The following ITIH3 variants were observed in gnomAD, a reference collection of about 807,000 sequenced individuals.
ITIH3 encodes the protein inter-alpha-trypsin inhibitor heavy chain 3.
ITIH3 carries 81 observed loss-of-function variants against 96.5 expected under a neutral mutation model. The ratio of observed to expected loss-of-function variants is 0.84; its 90% CI spans 0.70 to 1.01. ITIH3 has a LOEUF of 1.01. Among genes scored for constraint, ITIH3 ranks in the 50% least tolerant of loss-of-function variants. ITIH3 has a pLI of 0.00. For missense variants in ITIH3, 1,057 were observed against 1,139.3 expected, an observed-to-expected ratio of 0.93 and a Z score of 1.04; for synonymous variants, 422 against 445.2, an observed-to-expected ratio of 0.95 and a Z score of 0.66.
chr3:52,806,625 G>C (rs935266362), intron 18 of ITIH3, among the ~76,000 whole-genome samples: 9 of 152,202 alleles, frequency 5.9e-5, no homozygotes, highest in African/African-American at 2.2e-4. Context: ...GGACCACCTG[G>C]GCCTAGGGTA....
chr3:52,804,745 A>G lies in ITIH3; in HGVS notation c.1873+11A>G, dbSNP rs1318332879. 1.3e-6 allele frequency: 2 copies of G among 1,588,724 alleles called. No homozygotes were observed. Among genetic ancestry groups the G allele is most frequent in the South Asian group, 2.3e-5 (2 of 86,858 alleles). ...CTGCAGATGCAGAAGGTAAGCCTTT[A>G]GCCAGCCACCGGGTTGGGCATTATG... On this transcript the variant is annotated intron_variant, in intron 15 of 21. Coordinates refer to ENST00000449956, the MANE Select transcript of ITIH3 (RefSeq NM_002217.4).
At position 52,797,232 on chromosome 3, in the gene ITIH3, A is replaced by G. The variant is rs1256219054; in HGVS notation, c.514A>G (p.Lys172Glu). Residue 172 changes from lysine to glutamate, a missense_variant, in exon 5 of 22, where the codon AAG becomes GAG. By Grantham distance (56) the Lys-to-Glu change is moderately conservative. Coordinates refer to ENST00000449956, the MANE Select transcript of ITIH3 (RefSeq NM_002217.4). Reference protein sequence around the residue: ...RHKGKYEMYLKVQPKQLVKHF... With the variant: ...RHKGKYEMYLEVQPKQLVKHF... The stretch of plus-strand genomic sequence containing the variant: ...CAAGGGCAAGTACGAGATGTACCTC[A>G]AGGTCCAGCCTAAGCAACTGGTCAA... The G allele has an allele frequency of 3.1e-6, 5 of 1,607,294 alleles. No individual in the cohort carries two copies. Among genetic ancestry groups the G allele is most frequent in the Non-Finnish European group, 4.2e-6 (5 of 1,177,328 alleles).
chr3:52,803,816 G>A (rs565686211), intron 13 of ITIH3, 39 bp from the exon 14 acceptor site: 1 of 1,610,054 alleles, frequency 6.2e-7, no homozygotes, highest in Non-Finnish European at 8.5e-7. Context: ...GCAGGGTGCT[G>A]CTCTCCAGGC....
intron 15 of ITIH3, chr3:52,805,281 TA>T: frequency 9.9e-7 from 1 of 1,008,990 alleles, no homozygotes; most frequent in Non-Finnish European, 1.2e-6. Context: ...CCCCAGCCCC[TA>T]CTGGCCTGCC....
intron 4 of ITIH3, 55 bp from the exon 5 acceptor site, chr3:52,797,050 G>T: frequency 6.4e-7 from 1 of 1,568,446 alleles, no homozygotes; most frequent in Non-Finnish European, 8.7e-7. Flanking sequence ...CGAGGGCCGA[G>T]GAAGGGTGGG....
chr3:52,806,916 G>C lies in ITIH3; in HGVS notation c.2072G>C (p.Gly691Ala), dbSNP rs758205748. 37 of 1,586,908 alleles carry C rather than the reference G, an allele frequency of 2.3e-5. No individual in the cohort carries two copies. The Admixed American group carries it at 6.1e-4, about 26-fold the overall frequency. Residue 691 changes from glycine to alanine, a missense_variant, in exon 19 of 22, where the codon GGG (glycine) becomes GCG (alanine). Coordinates refer to ENST00000449956, the MANE Select transcript of ITIH3 (RefSeq NM_002217.4). ...QDAVTGLTVNGQITGDKRGSP... is the reference protein window; with the variant it reads ...QDAVTGLTVNAQITGDKRGSP... Reference sequence around the variant, plus strand: ...CCTCTGGCAGGCCTCACAGTTAATGGGCAGATCACTGGCGACAAGAGAGGC... The same window carrying C: ...CCTCTGGCAGGCCTCACAGTTAATGCGCAGATCACTGGCGACAAGAGAGGC...
intron 10 of ITIH3, 31 bp downstream of exon 10, chr3:52,800,694 G>C (rs1451525557): frequency 1.3e-6 from 2 of 1,594,208 alleles, no homozygotes; most frequent in Non-Finnish European, 1.7e-6. Context: ...TTTGAGCTAG[G>C]GCTGGAGTGC....
At chr3:52,800,695 G>A in intron 10 of ITIH3, 32 bp downstream of exon 10, 1 of 1,593,566 alleles carries the variant, frequency 6.3e-7, no homozygotes, top group South Asian at 1.1e-5. Context: ...TTGAGCTAGG[G>A]CTGGAGTGCT....
At chr3:52,801,174 C>A (rs1699818637) in intron 11 of ITIH3, 28 bp downstream of exon 11, 3 of 1,512,778 alleles carry the variant, frequency 2.0e-6, no homozygotes, top group Non-Finnish European at 2.7e-6. Flanking sequence ...CACTTCCGGG[C>A]ATAAGGAGCT....
chr3:52,797,047 C>A, intron 4 of ITIH3, 58 bp from the exon 5 acceptor site: 1 of 1,559,024 alleles, frequency 6.4e-7, no homozygotes, highest in South Asian at 1.2e-5. Context: ...GGCCGAGGGC[C>A]GAGGAAGGGT....
At chr3:52,807,272 C>A (rs533658933) in intron 19 of ITIH3, among the ~76,000 whole-genome samples, 167 bp downstream of exon 19, 1 of 152,272 alleles carries the variant, frequency 6.6e-6, no homozygotes, top group Non-Finnish European at 1.5e-5. Context: ...CCATAGTGGC[C>A]CCCAACCAAA....
In ITIH3 at chr3:52,801,084, C is replaced by T. The variant is rs1233714143; in HGVS notation, c.1321C>T (p.Leu441=). ...TTATAACTTCCTGGAGAACATGGCC[C>T]TGGAGAACCATGGGTTTGCCCGGCG... The part of the protein sequence containing the change: ...LNYNFLENMA[L]ENHGFARRIY... Residue 441 remains leucine, a synonymous_variant, in exon 11 of 22, where the codon CTG becomes TTG. Coordinates refer to ENST00000449956, the MANE Select transcript of ITIH3 (RefSeq NM_002217.4). The T allele has an allele frequency of 7.5e-6, 12 of 1,610,224 alleles. No homozygotes were observed. The highest frequency in any genetic ancestry group is 5.3e-5 in the African/African-American group (4 of 74,848).
intron 8 of ITIH3, 40 bp from the exon 9 acceptor site, chr3:52,799,713 C>A (rs1302092969): frequency 6.4e-7 from 1 of 1,568,474 alleles, no homozygotes; most frequent in Admixed American, 1.8e-5. Flanking sequence ...GGACCTCACT[C>A]TCTGCTGCGG....
At chr3:52,802,079 G>C in intron 11 of ITIH3, 1 of 448,444 alleles carries the variant, frequency 2.2e-6, no homozygotes. Context: ...TAAGAACTCT[G>C]TCCTTTCATA....
In ITIH3 at chr3:52,806,900, G is replaced by A. The variant is rs1287001121; in HGVS notation, c.2057-1G>A. Reference sequence around the variant, plus strand: ...CTCTCCCTGCCCCATCCCTCTGGCAGGCCTCACAGTTAATGGGCAGATCAC... The same window carrying A: ...CTCTCCCTGCCCCATCCCTCTGGCAAGCCTCACAGTTAATGGGCAGATCAC... On this transcript the variant is annotated splice_acceptor_variant, in intron 18 of 21. Transcript: ENST00000449956. LOFTEE classifies it high-confidence loss of function. 1 of 1,578,158 alleles carries A rather than the reference G, an allele frequency of 6.3e-7. No homozygotes were observed. Among genetic ancestry groups the A allele is most frequent in the African/African-American group, 1.4e-5 (1 of 73,994 alleles).
At position 52,801,107 on chromosome 3, in the gene ITIH3, G is replaced by A; in HGVS notation, c.1344G>A (p.Arg448=). ...CCCTGGAGAACCATGGGTTTGCCCG[G>A]CGCATTTATGAGGACTCTGATGCCG... ...NMALENHGFA[R]RIYEDSDADL... The change falls in exon 11 of 22, where the codon CGG becomes CGA. Residue 448 remains arginine (R), a synonymous_variant. Coordinates refer to ENST00000449956, the MANE Select transcript of ITIH3 (RefSeq NM_002217.4). The A allele has an allele frequency of 6.3e-7, 1 of 1,599,360 alleles. No individual in the cohort carries two copies. The highest frequency in any genetic ancestry group is 1.7e-5 in the Admixed American group (1 of 58,656).
chr3:52,802,885 G>A (rs937295256), intron 13 of ITIH3, 79 bp downstream of exon 13: 3 of 1,524,286 alleles, frequency 2.0e-6, no homozygotes, highest in Non-Finnish European at 2.7e-6. Flanking sequence ...CGCAGTCCCA[G>A]CGGTCCTGCC....
intron 5 of ITIH3, 29 bp downstream of exon 5, chr3:52,797,296 G>T: frequency 6.3e-7 from 1 of 1,577,872 alleles, no homozygotes; most frequent in Non-Finnish European, 8.6e-7. Flanking sequence ...AGACCTGGGG[G>T]GACGGCAGCG....
rs745601090 is a variant in ITIH3 at position 52,806,127 on chromosome 3, C to T, written c.1931C>T (p.Pro644Leu). ...YLTSYQPPQN[P>L]YYYVDGDPHF... ...GCCAGCTACCAGCCTCCTCAAAACC[C>T]CTACTACTATGGTGAGTCCCTGGCT... Residue 644 changes from proline (P) to leucine (L), a missense_variant, in exon 17 of 22, where the codon CCC becomes CTC. Transcript: ENST00000449956. 3.1e-6 allele frequency: 5 copies of T among 1,603,638 alleles called. No homozygotes were observed. Among genetic ancestry groups the T allele is most frequent in the South Asian group, 1.1e-5 (1 of 89,036 alleles).
Sources: allele counts gnomAD v4.1 joint callset (sites outside exome capture counted in the v4.1 genomes callset), GRCh38; gene constraint gnomAD v4.1.1; transcripts MANE v1.5; gene names NCBI Gene and HGNC (gene_info 2026-07-23, HGNC 2026-07-21).